Variants in KHDRBS2 observed in about 807,000 individuals in gnomAD.
KHDRBS2 encodes the protein KH RNA binding domain containing, signal transduction associated 2, also known as KH domain-containing, RNA-binding, signal transduction-associated protein 2.
In KHDRBS2, 26 loss-of-function variants were observed where a neutral mutation model predicts 44.3. The observed-to-expected ratio is 0.59, with a 90% CI of 0.43 to 0.81. The LOEUF (loss-of-function observed/expected upper bound fraction) is 0.81, where lower values mean the gene tolerates loss of function less well. Among genes scored for constraint, KHDRBS2 ranks in the 40% least tolerant of loss-of-function variants. The probability of loss-of-function intolerance (pLI) is 0.00; values close to 1 mark genes in which losing one functional copy is unlikely to be tolerated. For missense variants in KHDRBS2, 476 were observed against 433.1 expected (o/e 1.10, Z -0.88); for synonymous variants, 194 against 151.1 (o/e 1.28, Z -2.08).
intron 6 of KHDRBS2, among the ~76,000 whole-genome samples, chr6:61,850,393 T>C (rs1185553089): frequency 2.0e-5 from 3 of 152,160 alleles, no homozygotes; most frequent in African/African-American, 4.8e-5. Context: ...TCATTTTTAT[T>C]GTACCATAGG....
chr6:61,829,362 C>T (rs1562261449), intron 6 of KHDRBS2, among the ~76,000 whole-genome samples: 1 of 152,116 alleles, frequency 6.6e-6, no homozygotes, highest in Non-Finnish European at 1.5e-5. Flanking sequence ...CGGGGTTTCA[C>T]CGTGTTGCCC....
chr6:61,662,731 A>G, the KHDRBS2 span, among the ~76,000 whole-genome samples: 12 of 152,096 alleles, frequency 7.9e-5, no homozygotes, highest in East Asian at 2.1e-3. Context: ...AATGGCGATC[A>G]TTAAAAAGTC....
At chr6:62,184,507 A>G (rs553229838) in intron 1 of KHDRBS2, among the ~76,000 whole-genome samples, 1 of 151,930 alleles carries the variant, frequency 6.6e-6, no homozygotes, top group East Asian at 1.9e-4. Flanking sequence ...AAAAGAAAAG[A>G]GAGAAAAAGA....
chr6:62,012,201 T>C (rs1562640137), intron 3 of KHDRBS2, among the ~76,000 whole-genome samples: 1 of 152,184 alleles, frequency 6.6e-6, no homozygotes, highest in Non-Finnish European at 1.5e-5. Context: ...CCAAGAGTAA[T>C]CTTGATTATT....
intron 6 of KHDRBS2, among the ~76,000 whole-genome samples, chr6:61,801,218 A>G (rs535839150): frequency 6.6e-6 from 1 of 152,294 alleles, no homozygotes; most frequent in East Asian, 1.9e-4. Flanking sequence ...TATTTAACAA[A>G]TAATTCCAGA....
chr6:61,835,150 A>G lies in KHDRBS2; in HGVS notation c.810+59485T>C, dbSNP rs553535599. Among the ~76,000 whole-genome samples the G allele has an allele frequency of 8.5e-4, 129 of 152,126 alleles. 1 individual carries two copies. Among genetic ancestry groups the G allele is most frequent in the South Asian group, 1.4e-3 (7 of 4,830 alleles). On this transcript the variant is annotated intron_variant, in intron 6 of 8. Transcript: ENST00000281156. ...TGGGGGTTTATTATTCGAATTTTGGAGCTTTTAACCTTGGAGAGATGCAGC... is the reference window on the plus strand; with the variant it reads ...TGGGGGTTTATTATTCGAATTTTGGGGCTTTTAACCTTGGAGAGATGCAGC...
chr6:61,973,863 T>A, intron 4 of KHDRBS2, among the ~76,000 whole-genome samples: 1 of 152,176 alleles, frequency 6.6e-6, no homozygotes, highest in East Asian at 1.9e-4. Context: ...TGGGCCATGA[T>A]GGGCCAAGGT....
chr6:61,644,059 A>C, the KHDRBS2 span, among the ~76,000 whole-genome samples: 1 of 152,188 alleles, frequency 6.6e-6, no homozygotes, highest in Non-Finnish European at 1.5e-5. Context: ...AAACTATACT[A>C]TAGGGCTATA....
the KHDRBS2 span, among the ~76,000 whole-genome samples, chr6:61,596,862 G>A: frequency 1.3e-5 from 2 of 152,124 alleles, no homozygotes; most frequent in South Asian, 2.1e-4. Flanking sequence ...ATGTTGGCCA[G>A]GATGGTCTCA....
chr6:61,812,545 G>A (rs1195473380), intron 6 of KHDRBS2, among the ~76,000 whole-genome samples: 3 of 151,788 alleles, frequency 2.0e-5, no homozygotes, highest in African/African-American at 4.8e-5. Context: ...TAAATGCATC[G>A]TATATTATAA....
At chr6:61,839,863 G>A (rs566389880) in intron 6 of KHDRBS2, among the ~76,000 whole-genome samples, 2 of 152,050 alleles carry the variant, frequency 1.3e-5, no homozygotes, top group South Asian at 4.1e-4. Flanking sequence ...GGAGAAAATA[G>A]CAAGTATTTC....
At chr6:61,653,718 G>A in the KHDRBS2 span, among the ~76,000 whole-genome samples, 1 of 151,934 alleles carries the variant, frequency 6.6e-6, no homozygotes, top group African/African-American at 2.4e-5. Flanking sequence ...ACAGTGACTG[G>A]GAGAGTTCAG....
chr6:61,821,518 C>T (rs1402815924), intron 6 of KHDRBS2, among the ~76,000 whole-genome samples: 2 of 151,764 alleles, frequency 1.3e-5, no homozygotes, highest in Non-Finnish European at 2.9e-5. Context: ...ATGCTGAGAG[C>T]GTATAAAAGG....
At chr6:61,709,894 T>C (rs1208491834) in intron 7 of KHDRBS2, among the ~76,000 whole-genome samples, 1 of 151,724 alleles carries the variant, frequency 6.6e-6, no homozygotes, top group Non-Finnish European at 1.5e-5. Flanking sequence ...TTCAGTGCTG[T>C]AAATATCAGT....
the KHDRBS2 span, among the ~76,000 whole-genome samples, chr6:61,559,043 GTCTC>G: frequency 9.3e-5 from 14 of 151,012 alleles, no homozygotes; most frequent in African/African-American, 3.2e-4. Context: ...TTATGATGGG[GTCTC>G]TCTCTCTCTC....
chr6:61,914,006 G>C (rs1293839982), intron 4 of KHDRBS2, among the ~76,000 whole-genome samples: 2 of 152,082 alleles, frequency 1.3e-5, no homozygotes, highest in East Asian at 3.9e-4. Flanking sequence ...GAAGGCCTAA[G>C]GAATATTTAA....
chr6:62,277,001 C>T (rs1216798906), intron 1 of KHDRBS2, among the ~76,000 whole-genome samples: 1 of 152,104 alleles, frequency 6.6e-6, no homozygotes, highest in African/African-American at 2.4e-5. Flanking sequence ...GGGTAGATTA[C>T]TTGTGGTAAT....
chr6:62,074,890 C>G (rs1302463590), intron 2 of KHDRBS2, among the ~76,000 whole-genome samples: 4 of 151,866 alleles, frequency 2.6e-5, no homozygotes, highest in African/African-American at 9.7e-5. Flanking sequence ...ATTATGCAAA[C>G]TATGACAATT....
At chr6:62,040,434 A>C (rs1053586750) in intron 3 of KHDRBS2, among the ~76,000 whole-genome samples, 9 of 152,114 alleles carry the variant, frequency 5.9e-5, no homozygotes, top group Non-Finnish European at 1.3e-4. Context: ...TAATATTATT[A>C]TCATATACAT....
Sources: gnomAD v4.1 joint callset for allele counts (sites outside exome capture counted in the v4.1 genomes callset) on GRCh38, gnomAD v4.1.1 for gene constraint, MANE v1.5 for transcripts, NCBI Gene and HGNC (gene_info 2026-07-23, HGNC 2026-07-21) for gene names.